Variants in NEXMIF observed in about 807,000 individuals in gnomAD.
The protein encoded by NEXMIF is XLMR protein related to neurite extension.
A neutral mutation model predicts 62.1 loss-of-function variants in NEXMIF; 8 were observed. That is an observed-to-expected ratio of 0.13 (90% CI 0.08 to 0.23). The LOEUF (loss-of-function observed/expected upper bound fraction) is 0.23, where lower values mean the gene tolerates loss of function less well. NEXMIF is among the 10% of genes least tolerant of loss of function. The pLI, the probability that NEXMIF is intolerant of heterozygous loss-of-function variation, is 1.00. For synonymous variants in NEXMIF, 404 were observed against 416.6 expected (o/e 0.97, Z 0.37); for missense variants, 976 against 1,113.3 (o/e 0.88, Z 1.75).
At chrX:74,883,264 C>T (rs1293592801) in intron 1 of NEXMIF, among the ~76,000 whole-genome samples, 1 of 112,018 alleles carries the variant, frequency 8.9e-6, no homozygotes, top group Non-Finnish European at 1.9e-5. Context: ...AGGAAAGCAG[C>T]TCCTCACCAG....
At chrX:74,895,820 C>T (rs1001739630) in intron 1 of NEXMIF, among the ~76,000 whole-genome samples, 12 of 90,865 alleles carry the variant, frequency 1.3e-4, no homozygotes, top group Non-Finnish European at 2.1e-4. Context: ...GAAGCGGGGG[C>T]GGTGGCTACT....
chrX:74,851,039 G>T (rs1203589062), intron 1 of NEXMIF, among the ~76,000 whole-genome samples: 4 of 108,027 alleles, frequency 3.7e-5, no homozygotes, highest in African/African-American at 1.3e-4. Context: ...GAAACAAACA[G>T]AAATCCTGGA....
At chrX:74,796,182 CA>C (rs1388479033) in intron 1 of NEXMIF, among the ~76,000 whole-genome samples, 10 of 58,387 alleles carry the variant, frequency 1.7e-4, no homozygotes, top group Middle Eastern at 8.8e-3. Context: ...TATATATATA[CA>C]TATATATTAT....
intron 1 of NEXMIF, among the ~76,000 whole-genome samples, chrX:74,758,681 C>G (rs1215533326): frequency 9.0e-6 from 1 of 111,464 alleles, no homozygotes; most frequent in Non-Finnish European, 1.9e-5. Context: ...TGTTCCTGCA[C>G]TAGATTGCTA....
intron 1 of NEXMIF, among the ~76,000 whole-genome samples, chrX:74,762,386 C>T (rs1383372644): frequency 9.0e-6 from 1 of 111,156 alleles, no homozygotes; most frequent in Admixed American, 9.6e-5. Context: ...GGGTTGGTTC[C>T]AAGTCTTTGC....
intron 1 of NEXMIF, among the ~76,000 whole-genome samples, chrX:74,882,814 G>T (rs1309562929): frequency 1.8e-5 from 2 of 112,294 alleles, no homozygotes; most frequent in Admixed American, 1.9e-4. Context: ...CTCCCAGCAT[G>T]CAGCTTGAGA....
chrX:74,764,099 T>C (rs2080187156), intron 1 of NEXMIF, among the ~76,000 whole-genome samples: 1 of 111,737 alleles, frequency 8.9e-6, no homozygotes, highest in Admixed American at 9.6e-5. Context: ...ATATTGGCTG[T>C]GGGTTTGTCA....
Position 74,743,012 on chromosome X carries a change from G to A in NEXMIF, c.1545C>T (p.Ser515=), listed in dbSNP as rs746170417. Residue 515 remains serine, a synonymous_variant, in exon 3 of 4, where the codon TCC becomes TCT. Coordinates refer to ENST00000055682, the MANE Select transcript of NEXMIF (RefSeq NM_001008537.3). ...NERKEWLPVG[S]KEEDDDEWCP... is the part of the protein sequence containing the mutation. The stretch of plus-strand genomic sequence containing the variant: ...ACCATTCATCATCATCTTCCTCTTT[G>A]GAACCAACTGGCAGCCATTCCTTCC... 3 of 1,210,829 alleles carry A rather than the reference G, an allele frequency of 2.5e-6. No homozygotes were observed. The Admixed American group carries it at 6.5e-5, about 26-fold the overall frequency.
chrX:74,835,174 GTTAAGT>G lies in NEXMIF; in HGVS notation c.-47-89483_-47-89478del, dbSNP rs2080452329. Among the ~76,000 whole-genome samples the G allele has an allele frequency of 3.6e-5, 4 of 111,678 alleles. No homozygotes were observed. In the South Asian group the frequency reaches 1.5e-3, roughly 42 times the overall value. ...TCTTTTTAATTATTTTAATCTCTTT[GTTAAGT>G]TTATCTGACAGAATTCTGAATTCCT... On this transcript the variant is annotated intron_variant, in intron 1 of 3. Coordinates refer to ENST00000055682, the MANE Select transcript of NEXMIF (RefSeq NM_001008537.3).
intron 1 of NEXMIF, among the ~76,000 whole-genome samples, chrX:74,834,305 T>A (rs1008144730): frequency 9.0e-6 from 1 of 111,127 alleles, no homozygotes; most frequent in African/African-American, 3.3e-5. Context: ...TGGTTCATCA[T>A]TTCATCTTTC....
chrX:74,899,746 G>A (rs1041937002), intron 1 of NEXMIF, among the ~76,000 whole-genome samples: 6 of 111,406 alleles, frequency 5.4e-5, no homozygotes, highest in African/African-American at 2.0e-4. Flanking sequence ...AAACTCACAT[G>A]GAACCACAAA....
chrX:74,845,501 A>G (rs2080489007), intron 1 of NEXMIF, among the ~76,000 whole-genome samples: 1 of 111,347 alleles, frequency 9.0e-6, no homozygotes, highest in Non-Finnish European at 1.9e-5. Flanking sequence ...AACTCAAGGT[A>G]TATTTACGGG....
intron 1 of NEXMIF, among the ~76,000 whole-genome samples, chrX:74,798,342 C>T (rs1385634142): frequency 8.9e-6 from 1 of 112,336 alleles, no homozygotes; most frequent in African/African-American, 3.2e-5. Flanking sequence ...CTTAGCTGTG[C>T]TTAAACCCAA....
intron 1 of NEXMIF, among the ~76,000 whole-genome samples, chrX:74,762,864 T>C (rs1270549895): frequency 9.0e-6 from 1 of 111,708 alleles, no homozygotes; most frequent in African/African-American, 3.3e-5. Context: ...TTCTGGATAT[T>C]AGCCCTTTGT....
chrX:74,896,562 T>C (rs2080733507), intron 1 of NEXMIF, among the ~76,000 whole-genome samples: 1 of 111,999 alleles, frequency 8.9e-6, no homozygotes, highest in South Asian at 3.7e-4. Flanking sequence ...GAGAAAAGTT[T>C]TCTAGCTCTT....
chrX:74,804,162 G>T (rs780213624), intron 1 of NEXMIF, among the ~76,000 whole-genome samples: 2 of 112,485 alleles, frequency 1.8e-5, no homozygotes, highest in East Asian at 5.6e-4. Flanking sequence ...CTCGGGAGAT[G>T]AAGTTAAGGA....
intron 1 of NEXMIF, among the ~76,000 whole-genome samples, chrX:74,876,588 G>T (rs2147508484): frequency 9.7e-6 from 1 of 102,693 alleles, no homozygotes; most frequent in East Asian, 3.0e-4. Context: ...GTTGACAGTG[G>T]GGTGTTAAAG....
chrX:74,846,639 A>C (rs755426378), intron 1 of NEXMIF, among the ~76,000 whole-genome samples: 3 of 112,180 alleles, frequency 2.7e-5, no homozygotes, highest in African/African-American at 9.7e-5. Context: ...GTCATATAGA[A>C]GAAGAATTAA....
rs2080091296 is a variant in NEXMIF at position 74,738,314 on chromosome X, A to G, written c.*1091T>C. 1 of 111,591 alleles carries G rather than the reference A, an allele frequency of 9.0e-6. No individual in the cohort carries two copies. Among genetic ancestry groups the G allele is most frequent in the African/African-American group, 3.3e-5 (1 of 30,708 alleles). 9.2% of individuals were successfully genotyped at this position (111,591 alleles called of 1,213,427 possible). On this transcript the variant is annotated 3_prime_UTR_variant, in exon 4 of 4. Coordinates refer to ENST00000055682, the MANE Select transcript of NEXMIF (RefSeq NM_001008537.3). ...ATGTACTTTACTCATAAGAAGAAAA[A>G]TTTGGTTGAACTGGGATGCCTTAAC...
Sources: allele counts gnomAD v4.1 joint callset (sites outside exome capture counted in the v4.1 genomes callset), GRCh38; gene constraint gnomAD v4.1.1; transcripts MANE v1.5; gene names NCBI Gene and HGNC (gene_info 2026-07-23, HGNC 2026-07-21).